VPS11: variants seen among roughly 807,000 people sequenced by gnomAD.
VPS11 encodes vacuolar protein sorting-associated protein 11 homolog.
VPS11 carries 51 observed loss-of-function variants against 106.8 expected under a neutral mutation model. The observed-to-expected ratio is 0.48, with a 90% CI of 0.38 to 0.60. The LOEUF is 0.60. VPS11 is among the 20% of genes least tolerant of loss of function. The pLI is 0.00. For missense variants in VPS11, 950 were observed against 1,190.0 expected (o/e 0.80, Z 2.97); for synonymous variants, 453 against 458.7 (o/e 0.99, Z 0.16).
Position 119,067,849 on chromosome 11 carries a change from G to C in VPS11, c.26G>C (p.Arg9Pro). 3 of 1,555,062 alleles carry C rather than the reference G, an allele frequency of 1.9e-6. No homozygotes were observed. The highest frequency in any genetic ancestry group is 2.4e-5 in the East Asian group (1 of 41,536). The change falls in exon 1 of 16, where the codon CGC (arginine) becomes CCC (proline). Residue 9 changes from arginine to proline, a missense_variant. Arg to Pro is a moderately radical substitution (Grantham distance 103, BLOSUM62 -2). Transcript: ENST00000621676. ...ATGGCGGCCTACCTGCAGTGGCGGCGCTTCGTTTTCTTCGACAAGGAGCTG... is the reference window on the plus strand; with the variant it reads ...ATGGCGGCCTACCTGCAGTGGCGGCCCTTCGTTTTCTTCGACAAGGAGCTG... MAAYLQWRRFVFFDKELVK... is the reference protein window; with the variant it reads MAAYLQWRPFVFFDKELVK...
intron 14 of VPS11, among the ~76,000 whole-genome samples, chr11:119,080,626 C>T (rs1945817677): frequency 6.6e-6 from 1 of 152,188 alleles, no homozygotes; most frequent in Non-Finnish European, 1.5e-5. Flanking sequence ...GCCTCGGCCT[C>T]CCAAAGTGCT....
intron 3 of VPS11, among the ~76,000 whole-genome samples, chr11:119,070,030 A>AT (rs55743611): frequency 6.6e-6 from 1 of 151,438 alleles, no homozygotes; most frequent in Admixed American, 6.6e-5. Context: ...AAATAAATAA[A>AT]ATAAATAAAG....
Position 119,078,898 on chromosome 11 carries a change from G to C in VPS11, c.2167G>C (p.Ala723Pro). 6.2e-7 allele frequency: 1 copy of C among 1,614,002 alleles called. No homozygotes were observed. Among genetic ancestry groups the C allele is most frequent in the South Asian group, 1.1e-5 (1 of 91,088 alleles). The change falls in exon 13 of 16, where the codon GCC becomes CCC. Residue 723 changes from alanine to proline, a missense_variant. Physicochemically the swap from Ala to Pro is conservative, Grantham distance 27. Transcript: ENST00000621676. ...GEQDPSLWEQ[A>P]LSYFARKEED... ...GCAGGACCCCTCCTTGTGGGAGCAGGCCCTCAGCTACTTCGCTCGCAAGGA... is the reference window on the plus strand; with the variant it reads ...GCAGGACCCCTCCTTGTGGGAGCAGCCCCTCAGCTACTTCGCTCGCAAGGA...
intron 4 of VPS11, 109 bp downstream of exon 4, chr11:119,070,506 C>T (rs1945337937): frequency 1.7e-6 from 2 of 1,208,238 alleles, no homozygotes; most frequent in African/African-American, 1.5e-5. Context: ...AAGTTTTAAT[C>T]ATATAATTCG....
intron 4 of VPS11, 55 bp downstream of exon 4, chr11:119,070,452 C>T: frequency 6.5e-7 from 1 of 1,540,512 alleles, no homozygotes; most frequent in Non-Finnish European, 8.8e-7. Flanking sequence ...CTCCATTGTT[C>T]AGGGGGATAG....
At position 119,071,793 on chromosome 11, in the gene VPS11, G is replaced by C. The variant is rs782218418; in HGVS notation, c.834G>C (p.Trp278Cys). The change falls in exon 5 of 16, where the codon TGG (tryptophan) becomes TGC (cysteine). Residue 278 changes from tryptophan (W) to cysteine (C), a missense_variant. By Grantham distance (215) the Trp-to-Cys change is radical. Around this residue, in one of 3 missense-constraint regions of VPS11, gnomAD observed 435 missense variants for 630.2 expected, o/e 0.69. Coordinates refer to ENST00000621676, the MANE Select transcript of VPS11 (RefSeq NM_021729.6). Reference protein sequence around the residue: ...AFEGHKLIAHWFRGYLIIVSR... With the variant: ...AFEGHKLIAHCFRGYLIIVSR... ...AGGGCCATAAGCTCATTGCCCACTG[G>C]TTTAGAGGCTACCTTATCATTGTCT... is the stretch of plus-strand genomic sequence containing the variant. 1 of 1,613,952 alleles carries C rather than the reference G, an allele frequency of 6.2e-7. No homozygotes were observed. Among genetic ancestry groups the C allele is most frequent in the East Asian group, 2.2e-5 (1 of 44,886 alleles).
Position 119,069,422 on chromosome 11 carries a change from C to T in VPS11, c.337-20C>T, listed in dbSNP as rs1945284062. 1 of 1,613,988 alleles carries T rather than the reference C, an allele frequency of 6.2e-7. No individual in the cohort carries two copies. The highest frequency in any genetic ancestry group is 8.5e-7 in the Non-Finnish European group (1 of 1,179,874). On this transcript the variant is annotated intron_variant, in intron 2 of 15. Coordinates refer to ENST00000621676, the MANE Select transcript of VPS11 (RefSeq NM_021729.6). Reference sequence around the variant, plus strand: ...TGTTGGAGGATGACTAGCATTTACACTTCTGAGGTCTGTCCACAGGTTAAG... The same window carrying T: ...TGTTGGAGGATGACTAGCATTTACATTTCTGAGGTCTGTCCACAGGTTAAG...
chr11:119,077,144 C>A, intron 8 of VPS11, 61 bp downstream of exon 8: 1 of 1,558,646 alleles, frequency 6.4e-7, no homozygotes, highest in South Asian at 1.2e-5. Context: ...GTGGCTCCAC[C>A]GGGACTTGTT....
Position 119,079,228 on chromosome 11 carries a change from A to G in VPS11, c.2366A>G (p.Asp789Gly). 1 of 1,612,278 alleles carries G rather than the reference A, an allele frequency of 6.2e-7. No individual in the cohort carries two copies. The highest frequency in any genetic ancestry group is 8.5e-7 in the Non-Finnish European group (1 of 1,179,178). Residue 789 changes from aspartate to glycine, a missense_variant, in exon 14 of 16, where the codon GAT (aspartate) becomes GGT (glycine). This residue lies in a region of VPS11 where 453 missense variants were observed against 514.6 expected (regional missense o/e 0.88). Coordinates refer to ENST00000621676, the MANE Select transcript of VPS11 (RefSeq NM_021729.6). ...LQKQSQQIAQ[D>G]ELRVRRYREE... ...AAACAGAGCCAGCAGATTGCACAGG[A>G]TGAGCTGCGGGTGCGGCGGTACCGA...
intron 3 of VPS11, 149 bp downstream of exon 3, chr11:119,069,726 C>T (rs920696031): frequency 1.9e-5 from 22 of 1,144,766 alleles, no homozygotes; most frequent in South Asian, 1.7e-4. Flanking sequence ...GGGCCAGGCG[C>T]GGTGGCTCAT....
Position 119,076,157 on chromosome 11 carries a change from C to T in VPS11, c.1239-740C>T, listed in dbSNP as rs570143359. The stretch of plus-strand genomic sequence containing the variant: ...AGGAGAATAGCTTGAACCCAGGAGG[C>T]GGAGGTTGCAGTGAGCCAAGATCGT... On this transcript the variant is annotated intron_variant, in intron 7 of 15. Coordinates refer to ENST00000621676, the MANE Select transcript of VPS11 (RefSeq NM_021729.6). Among the ~76,000 whole-genome samples, 20 of 151,774 alleles carry T rather than the reference C, an allele frequency of 1.3e-4. No homozygotes were observed. In the South Asian group the frequency reaches 2.5e-3, roughly 19 times the overall value.
At chr11:119,078,524 T>C (rs2134794635) in intron 11 of VPS11, 41 bp from the exon 12 acceptor site, 1 of 1,597,886 alleles carries the variant, frequency 6.3e-7, no homozygotes, top group Non-Finnish European at 8.6e-7. Context: ...CCTTGTGATT[T>C]TCCCCTTTTG....
chr11:119,068,840 C>T (rs1042246726), intron 1 of VPS11, among the ~76,000 whole-genome samples: 3 of 152,026 alleles, frequency 2.0e-5, no homozygotes, highest in African/African-American at 2.4e-5. Flanking sequence ...CAACCTCCGC[C>T]TCCCGGGTTC....
chr11:119,072,956 T>C (rs1227484163), intron 5 of VPS11: 1 of 541,066 alleles, frequency 1.8e-6, no homozygotes, highest in East Asian at 3.2e-5. Context: ...TGAATGGATA[T>C]GTTAGTGTAC....
At position 119,077,660 on chromosome 11, in the gene VPS11, G is replaced by C. The variant is rs782116307; in HGVS notation, c.1572+13G>C. 2.5e-6 allele frequency: 4 copies of C among 1,577,272 alleles called. No homozygotes were observed. Among genetic ancestry groups the C allele is most frequent in the Non-Finnish European group, 3.4e-6 (4 of 1,161,304 alleles). Reference sequence around the variant, plus strand: ...AGAAGACATTAAGGTAGGTGAGACTGTCTTTTTTCCCCAAGAGACAGGGTC... The same window carrying C: ...AGAAGACATTAAGGTAGGTGAGACTCTCTTTTTTCCCCAAGAGACAGGGTC... On this transcript the variant is annotated intron_variant, in intron 9 of 15. Coordinates refer to ENST00000621676, the MANE Select transcript of VPS11 (RefSeq NM_021729.6).
In VPS11 at chr11:119,075,078, A is replaced by G. The variant is rs140164508; in HGVS notation, c.1238+1127A>G. Among the ~76,000 whole-genome samples, 1,419 of 151,852 alleles carry G rather than the reference A, an allele frequency of 9.3e-3. 16 individuals are homozygous for G. Among genetic ancestry groups the G allele is most frequent in the Non-Finnish European group, 0.011 (755 of 67,940 alleles). ...TCAGGAGATCGAGACCATCCTGGCT[A>G]ACACGGTGAAACCCCGTCTCTACTA... On this transcript the variant is annotated intron_variant, in intron 7 of 15. Transcript: ENST00000621676.
intron 1 of VPS11, 168 bp downstream of exon 1, chr11:119,068,178 CTTGT>C (rs1945195146): frequency 1.3e-6 from 1 of 746,148 alleles, no homozygotes; most frequent in Non-Finnish European, 2.1e-6. Context: ...CATCTCCTAA[CTTGT>C]TATCAACTGA....
intron 1 of VPS11, among the ~76,000 whole-genome samples, chr11:119,068,442 A>C (rs2133641883): frequency 0.3 from 4,015 of 13,252 alleles, 774 homozygotes; most frequent in African/African-American, 0.46. Flanking sequence ...TGGCCTTTTT[A>C]CCTTTTTTTT....
intron 1 of VPS11, 83 bp from the exon 2 acceptor site, chr11:119,069,113 T>TATATA: frequency 6.4e-7 from 1 of 1,559,582 alleles, no homozygotes; most frequent in East Asian, 2.3e-5. Flanking sequence ...ATTTTAGAGT[T>TATATA]ATATACATGT....
Sources: gnomAD v4.1 joint callset for allele counts (sites outside exome capture counted in the v4.1 genomes callset) on GRCh38, gnomAD v4.1.1 for gene constraint, gnomAD v4.1.1 regional missense constraint, MANE v1.5 for transcripts, NCBI Gene and HGNC (gene_info 2026-07-23, HGNC 2026-07-21) for gene names.